The following NT5DC1 variants were observed in gnomAD, a reference collection of about 807,000 sequenced individuals.
The protein encoded by NT5DC1 is 5'-nucleotidase domain containing 1.
A neutral mutation model predicts 59.4 loss-of-function variants in NT5DC1; 42 were observed. The observed-to-expected ratio is 0.71, with a 90% CI of 0.55 to 0.92. The LOEUF is 0.92. Ranked by LOEUF, NT5DC1 falls within the 40% of genes least tolerant of loss-of-function variation. NT5DC1 has a pLI of 0.00. For synonymous variants in NT5DC1, 172 were observed against 188.1 expected, an observed-to-expected ratio of 0.91 and a Z score of 0.70; for missense variants, 501 against 537.1, an observed-to-expected ratio of 0.93 and a Z score of 0.66.
At position 116,121,092 on chromosome 6, in the gene NT5DC1, T is replaced by A. The variant is rs757461621; in HGVS notation, c.529+3147T>A. Reference sequence around the variant, plus strand: ...CCTTTTGGTCCTTGGGGTCCCATATTCCCAGGGGGTCCAGTCAGACCTGGC... The same window carrying A: ...CCTTTTGGTCCTTGGGGTCCCATATACCCAGGGGGTCCAGTCAGACCTGGC... On this transcript the variant is annotated intron_variant, in intron 6 of 11. Transcript: ENST00000319550. 1.4e-5 allele frequency: 22 copies of A among 1,613,774 alleles called. No homozygotes were observed. The Admixed American group carries it at 3.3e-4, about 24-fold the overall frequency.
chr6:116,134,140 T>C (rs1582824411), intron 6 of NT5DC1, among the ~76,000 whole-genome samples: 1 of 152,178 alleles, frequency 6.6e-6, no homozygotes, highest in Non-Finnish European at 1.5e-5. Context: ...TGCTCCACAA[T>C]TGTGATTGGT....
At chr6:116,178,848 G>C (rs1036179110) in intron 6 of NT5DC1, among the ~76,000 whole-genome samples, 7 of 152,184 alleles carry the variant, frequency 4.6e-5, no homozygotes, top group Admixed American at 1.3e-4. Context: ...TGCAATTTCA[G>C]TGTTTGCCTT....
chr6:116,106,153 A>T, intron 1 of NT5DC1, 91 bp from the exon 2 acceptor site: 1 of 771,194 alleles, frequency 1.3e-6, no homozygotes. Context: ...ACCTGCCCCC[A>T]TCAGCAATTC....
In NT5DC1 at chr6:116,244,468, A is replaced by G. The variant is rs1582890414; in HGVS notation, c.*444A>G. On this transcript the variant is annotated 3_prime_UTR_variant, in exon 12 of 12. Transcript: ENST00000319550. ...ACCAATCTGGTTTAACAAGCCCGTC[A>G]GGTGATTCTGATTTACAGTACAGTT... 1.3e-5 allele frequency: 2 copies of G among 152,962 alleles called. No homozygotes were observed. The highest frequency in any genetic ancestry group is 3.8e-4 in the East Asian group (2 of 5,200). The allele number at this position is 152,962 out of a possible 1,614,324, so 9.5% of individuals were successfully genotyped here.
At chr6:116,166,637 A>G (rs948603953) in intron 6 of NT5DC1, among the ~76,000 whole-genome samples, 7 of 152,158 alleles carry the variant, frequency 4.6e-5, no homozygotes, top group Admixed American at 3.3e-4. Flanking sequence ...CCTTTTCTAC[A>G]TGCTGATAAA....
chr6:116,234,957 C>A (rs929776194), intron 8 of NT5DC1, among the ~76,000 whole-genome samples: 1 of 151,860 alleles, frequency 6.6e-6, no homozygotes, highest in Admixed American at 6.6e-5. Context: ...CTTAAGGCAG[C>A]CTCCAGTATA....
At position 116,238,464 on chromosome 6, in the gene NT5DC1, T is replaced by TAA. The variant is rs56266433; in HGVS notation, c.1083+135_1083+136dup. 693 of 257,348 alleles carry TAA rather than the reference T, an allele frequency of 2.7e-3. 1 individual carries two copies. The highest frequency in any genetic ancestry group is 3.4e-3 in the Non-Finnish European group (496 of 143,892). The allele number at this position is 257,348 out of a possible 1,614,324, so 15.9% of individuals were successfully genotyped here. A position where few individuals can be genotyped will look rare whatever the true frequency, so the allele number is the denominator to read the frequency against. ...CTGGTCAGGCTGAATACCATCATGT[T>TAA]AAAAAAAAAAAAAAAAAAAAGAGAC... On this transcript the variant is annotated intron_variant, in intron 10 of 11. Transcript: ENST00000319550.
intron 6 of NT5DC1, among the ~76,000 whole-genome samples, chr6:116,159,915 T>A (rs1780288737): frequency 6.6e-6 from 1 of 152,226 alleles, no homozygotes; most frequent in South Asian, 2.1e-4. Context: ...GGCCTCCAGC[T>A]CTATCCATGT....
chr6:116,141,754 CTTTTGTTTTTTTT>C (rs1779767712), intron 6 of NT5DC1, among the ~76,000 whole-genome samples: 1 of 148,466 alleles, frequency 6.7e-6, no homozygotes, highest in Non-Finnish European at 1.5e-5. Context: ...ACATTTTCTT[CTTTTGTTTTTTTT>C]TTTTGTTTTG....
At chr6:116,237,185 T>C (rs974845784) in intron 9 of NT5DC1, 101 bp downstream of exon 9, 7 of 716,584 alleles carry the variant, frequency 9.8e-6, no homozygotes, top group African/African-American at 1.7e-5. Flanking sequence ...TAAATAAGCC[T>C]TTCCTTTGTC....
chr6:116,171,174 A>G (rs1471569580), intron 6 of NT5DC1, among the ~76,000 whole-genome samples: 2 of 152,132 alleles, frequency 1.3e-5, no homozygotes, highest in Non-Finnish European at 2.9e-5. Context: ...TGTAAGGTTA[A>G]ATGACCCACT....
At chr6:116,107,848 A>G (rs924630425) in intron 2 of NT5DC1, among the ~76,000 whole-genome samples, 2 of 152,180 alleles carry the variant, frequency 1.3e-5, no homozygotes, top group Non-Finnish European at 2.9e-5. Flanking sequence ...CTGGGATTAC[A>G]GGCATGAGCC....
intron 6 of NT5DC1, among the ~76,000 whole-genome samples, chr6:116,153,723 A>G (rs1401872758): frequency 6.6e-6 from 1 of 152,146 alleles, no homozygotes; most frequent in African/African-American, 2.4e-5. Context: ...AGTTCAGTCT[A>G]GTAACTTTCT....
chr6:116,107,314 A>G (rs936207749), intron 2 of NT5DC1, among the ~76,000 whole-genome samples: 16 of 150,904 alleles, frequency 1.1e-4, no homozygotes, highest in African/African-American at 3.9e-4. Context: ...ACATGTTACT[A>G]TATGAAATTA....
chr6:116,209,938 G>A (rs1473108291), intron 6 of NT5DC1, among the ~76,000 whole-genome samples: 1 of 151,928 alleles, frequency 6.6e-6, no homozygotes, highest in Admixed American at 6.6e-5. Context: ...CAAACATATA[G>A]ATTTAGACAC....
At chr6:116,161,041 G>T (rs1333615760) in intron 6 of NT5DC1, among the ~76,000 whole-genome samples, 1 of 151,860 alleles carries the variant, frequency 6.6e-6, no homozygotes, top group Non-Finnish European at 1.5e-5. Context: ...GTCCTTTGTA[G>T]GGACATGGAT....
intron 3 of NT5DC1, among the ~76,000 whole-genome samples, chr6:116,108,755 T>C (rs1183686184): frequency 6.6e-6 from 1 of 152,236 alleles, no homozygotes; most frequent in Non-Finnish European, 1.5e-5. Context: ...CTGTTTTAGC[T>C]GACTGTGTGG....
At chr6:116,187,564 G>A (rs988628016) in intron 6 of NT5DC1, among the ~76,000 whole-genome samples, 1 of 152,094 alleles carries the variant, frequency 6.6e-6, no homozygotes, top group African/African-American at 2.4e-5. Context: ...AAAGACCTTT[G>A]CAGTTGTAGA....
At chr6:116,139,377 T>C (rs1378801801) in intron 6 of NT5DC1, among the ~76,000 whole-genome samples, 2 of 152,154 alleles carry the variant, frequency 1.3e-5, no homozygotes. Context: ...AATAATACAG[T>C]CTAAAGCTGA....
Sources: gnomAD v4.1 joint callset for allele counts (sites outside exome capture counted in the v4.1 genomes callset) on GRCh38, gnomAD v4.1.1 for gene constraint, MANE v1.5 for transcripts, NCBI Gene and HGNC (gene_info 2026-07-23, HGNC 2026-07-21) for gene names.